The following CNTNAP4 variants were observed in gnomAD, a reference collection of about 807,000 sequenced individuals.
CNTNAP4 encodes contactin-associated protein-like 4.
A neutral mutation model predicts 148.4 loss-of-function variants in CNTNAP4; 98 were observed. The ratio of observed to expected loss-of-function variants is 0.66; its 90% CI spans 0.56 to 0.78. CNTNAP4 has a LOEUF of 0.78. Ranked by LOEUF, CNTNAP4 falls within the 30% of genes least tolerant of loss-of-function variation. The pLI, the probability that CNTNAP4 is intolerant of heterozygous loss-of-function variation, is 0.00. For missense variants in CNTNAP4, 1,935 were observed against 1,565.6 expected (o/e 1.24, Z -3.98); for synonymous variants, 730 against 565.1 (o/e 1.29, Z -4.14).
chr16:76,366,644 G>A (rs949949600), intron 3 of CNTNAP4, among the ~76,000 whole-genome samples: 1 of 152,074 alleles, frequency 6.6e-6, no homozygotes, highest in Non-Finnish European at 1.5e-5. Context: ...TTCTGGGTAT[G>A]TACTCAGTAG....
intron 15 of CNTNAP4, among the ~76,000 whole-genome samples, chr16:76,519,417 A>T (rs1012156503): frequency 6.6e-6 from 1 of 152,188 alleles, no homozygotes; most frequent in South Asian, 2.1e-4. Flanking sequence ...TATGAAAAAA[A>T]TAAATGTTAT....
chr16:76,462,129 T>C, intron 9 of CNTNAP4, 24 bp downstream of exon 9: 7 of 1,592,616 alleles, frequency 4.4e-6, no homozygotes, highest in Non-Finnish European at 6.0e-6. Flanking sequence ...CCAGGCTCTA[T>C]GAGCAACTGA....
chr16:76,451,533 A>G (rs984068947), intron 7 of CNTNAP4, among the ~76,000 whole-genome samples: 2 of 152,062 alleles, frequency 1.3e-5, no homozygotes, highest in African/African-American at 4.8e-5. Flanking sequence ...AGCCAGCAAG[A>G]TTTTAAAATA....
intron 3 of CNTNAP4, among the ~76,000 whole-genome samples, chr16:76,386,728 A>G (rs1414466231): frequency 2.0e-5 from 3 of 152,136 alleles, no homozygotes; most frequent in African/African-American, 2.4e-5. Flanking sequence ...TGGGACCTAT[A>G]GGTATGATAT....
chr16:76,277,510 A>G lies in CNTNAP4; in HGVS notation c.-153A>G. The G allele has an allele frequency of 3.4e-6, 2 of 593,106 alleles. No individual in the cohort carries two copies. The highest frequency in any genetic ancestry group is 6.0e-6 in the Non-Finnish European group (2 of 334,318). 36.7% of individuals were successfully genotyped at this position (593,106 alleles called of 1,614,324 possible). On this transcript the variant is annotated 5_prime_UTR_variant, in exon 1 of 24. Coordinates refer to ENST00000611870, the MANE Select transcript of CNTNAP4 (RefSeq NM_033401.5). ...AGAAGAGAGGGAGGAGGGAAGAAGAAAAGACGGAGGGAGGTGAGGAGGAAG... is the reference window on the plus strand; with the variant it reads ...AGAAGAGAGGGAGGAGGGAAGAAGAGAAGACGGAGGGAGGTGAGGAGGAAG...
chr16:76,557,836 A>G (rs534356263), intron 23 of CNTNAP4: 1 of 152,336 alleles, frequency 6.6e-6, no homozygotes, highest in African/African-American at 2.4e-5. Context: ...CCCAGGGACC[A>G]CTACACGTCT....
intron 2 of CNTNAP4, among the ~76,000 whole-genome samples, chr16:76,334,983 T>G (rs1277377471): frequency 6.6e-6 from 1 of 151,978 alleles, no homozygotes; most frequent in African/African-American, 2.4e-5. Flanking sequence ...TGGTGTATTG[T>G]GTTGTAGATT....
chr16:76,379,879 ACTCTT>A (rs1284791319), intron 3 of CNTNAP4, among the ~76,000 whole-genome samples: 1 of 152,050 alleles, frequency 6.6e-6, no homozygotes, highest in African/African-American at 2.4e-5. Flanking sequence ...GGATTTCTCT[ACTCTT>A]AAGTTCAGAT....
At chr16:76,327,583 C>T (rs770476326) in intron 2 of CNTNAP4, among the ~76,000 whole-genome samples, 3 of 152,180 alleles carry the variant, frequency 2.0e-5, no homozygotes, top group Non-Finnish European at 4.4e-5. Flanking sequence ...GTGACCAAAT[C>T]CAGCTTTCCA....
At chr16:76,377,542 G>C (rs905269445) in intron 3 of CNTNAP4, among the ~76,000 whole-genome samples, 16 of 152,160 alleles carry the variant, frequency 1.1e-4, no homozygotes, top group African/African-American at 3.9e-4. Flanking sequence ...AAGTGTTGAA[G>C]AGGAGTCTGT....
chr16:76,451,633 G>GTA (rs1555561323), intron 7 of CNTNAP4, among the ~76,000 whole-genome samples: 2 of 150,706 alleles, frequency 1.3e-5, no homozygotes, highest in African/African-American at 4.9e-5. Context: ...GTGTGTGTGT[G>GTA]TATTTTATCC....
chr16:76,451,827 G>C (rs970379014), intron 7 of CNTNAP4, among the ~76,000 whole-genome samples: 3 of 152,008 alleles, frequency 2.0e-5, no homozygotes, highest in African/African-American at 7.2e-5. Context: ...GCACAGTAGG[G>C]CGACTATAGT....
At position 76,518,388 on chromosome 16, in the gene CNTNAP4, A is replaced by G. The variant is rs540710877; in HGVS notation, c.2366-2752A>G. ...AGTGATCTGCCCACCTCAGCCCCCAAAAGTGCTGGGATTACAGGCATGAGC... is the reference window on the plus strand; with the variant it reads ...AGTGATCTGCCCACCTCAGCCCCCAGAAGTGCTGGGATTACAGGCATGAGC... On this transcript the variant is annotated intron_variant, in intron 15 of 23. Coordinates refer to ENST00000611870, the MANE Select transcript of CNTNAP4 (RefSeq NM_033401.5). Among the ~76,000 whole-genome samples the G allele has an allele frequency of 2.0e-5, 3 of 152,272 alleles. No homozygotes were observed. In the East Asian group the frequency reaches 5.8e-4, roughly 29 times the overall value.
intron 1 of CNTNAP4, among the ~76,000 whole-genome samples, chr16:76,301,755 G>A (rs908611785): frequency 1.3e-5 from 2 of 152,118 alleles, no homozygotes; most frequent in Non-Finnish European, 2.9e-5. Context: ...TCTCAAATCC[G>A]CCTCCCTGAA....
chr16:76,414,979 G>A (rs139045774), intron 3 of CNTNAP4, among the ~76,000 whole-genome samples: 3 of 150,142 alleles, frequency 2.0e-5, no homozygotes, highest in African/African-American at 7.3e-5. Flanking sequence ...CCTAATTTTG[G>A]TAATTTTTCA....
Position 76,461,934 on chromosome 16 carries a change from C to CT in CNTNAP4, c.1334-21dup, listed in dbSNP as rs752490658. On this transcript the variant is annotated intron_variant, in intron 8 of 23. Coordinates refer to ENST00000611870, the MANE Select transcript of CNTNAP4 (RefSeq NM_033401.5). Reference sequence around the variant, plus strand: ...TAGTGTTCACTATTGAGAGCGATCTCTAACTGATTTCATCTCCCTAGGTGT... The same window carrying CT: ...TAGTGTTCACTATTGAGAGCGATCTCTTAACTGATTTCATCTCCCTAGGTGT... The CT allele has an allele frequency of 4.2e-4, 679 of 1,611,520 alleles. 1 individual carries two copies. The highest frequency in any genetic ancestry group is 4.3e-4 in the Non-Finnish European group (503 of 1,178,080).
intron 7 of CNTNAP4, among the ~76,000 whole-genome samples, chr16:76,450,688 A>G (rs2080428188): frequency 6.6e-6 from 1 of 152,244 alleles, no homozygotes; most frequent in African/African-American, 2.4e-5. Context: ...GTTGTGTTAC[A>G]ATATTGCATC....
chr16:76,364,600 TCTG>T (rs756613566), intron 3 of CNTNAP4, among the ~76,000 whole-genome samples: 62 of 152,282 alleles, frequency 4.1e-4, no homozygotes, highest in Non-Finnish European at 7.1e-4. Flanking sequence ...GTCTTAGACA[TCTG>T]CTTTTTGGCT....
chr16:76,400,482 T>C (rs991274167), intron 3 of CNTNAP4, among the ~76,000 whole-genome samples: 4 of 152,194 alleles, frequency 2.6e-5, no homozygotes, highest in Admixed American at 1.3e-4. Flanking sequence ...TATTTTCTTC[T>C]ATTCTGTAAG....
Sources: gnomAD v4.1 joint callset for allele counts (sites outside exome capture counted in the v4.1 genomes callset) on GRCh38, gnomAD v4.1.1 for gene constraint, MANE v1.5 for transcripts, NCBI Gene and HGNC (gene_info 2026-07-23, HGNC 2026-07-21) for gene names.